Variants in MNAT1 observed in about 807,000 individuals in gnomAD.
The protein encoded by MNAT1 is CDK-activating kinase assembly factor MAT1.
Under a neutral mutation model 42.0 loss-of-function variants are expected in MNAT1, and 43 were observed. The observed-to-expected ratio is 1.02, with a 90% CI of 0.80 to 1.32. The LOEUF is 1.32. MNAT1 is among the 40% of genes most tolerant of loss of function. The pLI, the probability that MNAT1 is intolerant of heterozygous loss-of-function variation, is 0.00. For synonymous variants in MNAT1, 118 were observed against 120.0 expected (o/e 0.98, Z 0.11); for missense variants, 306 against 350.4 (o/e 0.87, Z 1.01).
At chr14:60,937,077 G>GT (rs1411344283) in intron 7 of MNAT1, among the ~76,000 whole-genome samples, 5 of 151,636 alleles carry the variant, frequency 3.3e-5, no homozygotes, top group Admixed American at 6.6e-5. Flanking sequence ...GGGGTTTTTT[G>GT]TTTTTTTCTT....
chr14:60,792,400 A>G (rs190796991), intron 1 of MNAT1, among the ~76,000 whole-genome samples: 11 of 152,278 alleles, frequency 7.2e-5, no homozygotes, highest in Admixed American at 7.2e-4. Context: ...TTAAAAAATA[A>G]TATCCTGCTT....
chr14:60,794,520 G>A (rs1339909565), intron 1 of MNAT1, among the ~76,000 whole-genome samples: 1 of 150,292 alleles, frequency 6.7e-6, no homozygotes, highest in African/African-American at 2.4e-5. Context: ...AAAAAAATTA[G>A]CAGAGCGTGA....
chr14:60,786,423 T>C (rs1332330487), intron 1 of MNAT1, among the ~76,000 whole-genome samples: 1 of 152,176 alleles, frequency 6.6e-6, no homozygotes, highest in Non-Finnish European at 1.5e-5. Flanking sequence ...CTTTTATTGG[T>C]CACATGTAAC....
intron 1 of MNAT1, among the ~76,000 whole-genome samples, chr14:60,781,155 G>A (rs12891347): frequency 0.95 from 144,050 of 152,262 alleles, 68,420 homozygotes; most frequent in Non-Finnish European, 0.99. Context: ...ACTTGAACCT[G>A]TGAAGGGATG....
chr14:60,784,855 C>T (rs1244572193), intron 1 of MNAT1, among the ~76,000 whole-genome samples: 1 of 151,252 alleles, frequency 6.6e-6, no homozygotes, highest in Non-Finnish European at 1.5e-5. Flanking sequence ...CTATAGCTAA[C>T]ACTTTTTTTT....
chr14:60,961,478 A>T (rs942920502), intron 7 of MNAT1, among the ~76,000 whole-genome samples: 1 of 152,076 alleles, frequency 6.6e-6, no homozygotes, highest in African/African-American at 2.4e-5. Flanking sequence ...GATCACCGTT[A>T]TACTCCCCTT....
intron 6 of MNAT1, among the ~76,000 whole-genome samples, chr14:60,860,354 C>CTTTTTT (rs11409940): frequency 1.6e-4 from 20 of 128,656 alleles, no homozygotes; most frequent in South Asian, 2.4e-4. Context: ...TTTTTCTTTT[C>CTTTTTT]TTTTTTTTTT....
chr14:60,788,214 A>C (rs1356777637), intron 1 of MNAT1, among the ~76,000 whole-genome samples: 1 of 152,188 alleles, frequency 6.6e-6, no homozygotes, highest in African/African-American at 2.4e-5. Flanking sequence ...TATCCATCAG[A>C]GGTCTTAGGT....
At chr14:60,847,126 G>A (rs537653595) in intron 6 of MNAT1, among the ~76,000 whole-genome samples, 39 of 151,890 alleles carry the variant, frequency 2.6e-4, no homozygotes, top group African/African-American at 8.2e-4. Context: ...TTTATTTGCC[G>A]GGCACGGTGG....
intron 3 of MNAT1, among the ~76,000 whole-genome samples, chr14:60,804,877 G>T (rs2032319688): frequency 6.6e-6 from 1 of 152,066 alleles, no homozygotes; most frequent in African/African-American, 2.4e-5. Context: ...CTATTTCTGG[G>T]CTCTATTTAA....
chr14:60,899,505 G>A (rs1359988749), intron 7 of MNAT1, among the ~76,000 whole-genome samples: 2 of 152,106 alleles, frequency 1.3e-5, no homozygotes, highest in Admixed American at 6.5e-5. Context: ...GAAAATAATT[G>A]TAGTAGTTAT....
At chr14:60,749,768 C>A (rs1003671481) in intron 1 of MNAT1, among the ~76,000 whole-genome samples, 1 of 152,106 alleles carries the variant, frequency 6.6e-6, no homozygotes, top group Admixed American at 6.5e-5. Flanking sequence ...GTTTACTTAG[C>A]AACTTGTTCC....
chr14:60,911,770 T>G (rs1465702660), intron 7 of MNAT1, among the ~76,000 whole-genome samples: 1 of 152,138 alleles, frequency 6.6e-6, no homozygotes, highest in African/African-American at 2.4e-5. Context: ...ATAGGTGTGG[T>G]GTGGTGCTGA....
intron 7 of MNAT1, among the ~76,000 whole-genome samples, chr14:60,909,683 A>G (rs2035301985): frequency 6.6e-6 from 1 of 152,026 alleles, no homozygotes; most frequent in Admixed American, 6.5e-5. Flanking sequence ...ATTGGTCTAT[A>G]TGTCTGTTTT....
At chr14:60,783,307 T>TA (rs1555374361) in intron 1 of MNAT1, among the ~76,000 whole-genome samples, 1 of 152,210 alleles carries the variant, frequency 6.6e-6, no homozygotes, top group African/African-American at 2.4e-5. Context: ...GGCCTGCACT[T>TA]AAACTATGAC....
chr14:60,757,550 T>C (rs998189728), intron 1 of MNAT1, among the ~76,000 whole-genome samples: 10 of 152,204 alleles, frequency 6.6e-5, no homozygotes, highest in African/African-American at 9.7e-5. Flanking sequence ...GCTATGAGCT[T>C]AGGGCTTTAG....
At position 60,969,395 on chromosome 14, in the gene MNAT1, G is replaced by T. The variant is rs2036740796; in HGVS notation, c.*1046G>T. 1 of 152,096 alleles carries T rather than the reference G, an allele frequency of 6.6e-6. No homozygotes were observed. The highest frequency in any genetic ancestry group is 6.5e-5 in the Admixed American group (1 of 15,274). 9.4% of individuals were successfully genotyped at this position (152,096 alleles called of 1,614,324 possible). A position where few individuals can be genotyped will look rare whatever the true frequency, so the allele number is the denominator to read the frequency against. On this transcript the variant is annotated 3_prime_UTR_variant, in exon 8 of 8. Coordinates refer to ENST00000261245, the MANE Select transcript of MNAT1 (RefSeq NM_002431.4). ...TAGAAACTTAGGTGAAACAAGACTT[G>T]TGGTTACATTAGGATGGACTATCCA... is the stretch of plus-strand genomic sequence containing the variant.
In MNAT1 at chr14:60,939,842, T is replaced by G. The variant is rs562583112; in HGVS notation, c.810-28387T>G. ...ACGTTGAGAGTGGGGTGTTAAAGTC[T>G]CCCATTTTTATTGTGTGGGAGTCTA... is the stretch of plus-strand genomic sequence containing the variant. On this transcript the variant is annotated intron_variant, in intron 7 of 7. Coordinates refer to ENST00000261245, the MANE Select transcript of MNAT1 (RefSeq NM_002431.4). 2.9e-4 allele frequency among the ~76,000 whole-genome samples: 44 copies of G among 152,284 alleles called. No individual in the cohort carries two copies. In the South Asian group the frequency reaches 8.9e-3, roughly 31 times the overall value.
intron 7 of MNAT1, among the ~76,000 whole-genome samples, chr14:60,904,660 G>GT (rs1411847710): frequency 6.6e-6 from 1 of 152,066 alleles, no homozygotes; most frequent in Non-Finnish European, 1.5e-5. Flanking sequence ...TTCCAGAATA[G>GT]TTTTTTGTAG....
Sources: gnomAD v4.1 joint callset for allele counts (sites outside exome capture counted in the v4.1 genomes callset) on GRCh38, gnomAD v4.1.1 for gene constraint, MANE v1.5 for transcripts, NCBI Gene and HGNC (gene_info 2026-07-23, HGNC 2026-07-21) for gene names.